The following STC2 variants were observed in gnomAD, a reference collection of about 807,000 sequenced individuals.
STC2 encodes stanniocalcin-2.
In STC2, 7 loss-of-function variants were observed where a neutral mutation model predicts 22.7. That is an observed-to-expected ratio of 0.31 (90% CI 0.18 to 0.58). STC2 has a LOEUF of 0.58. Ranked by LOEUF, STC2 falls within the 20% of genes least tolerant of loss-of-function variation. The probability of loss-of-function intolerance (pLI) is 0.89; values close to 1 mark genes in which losing one functional copy is unlikely to be tolerated. For missense variants in STC2, 336 were observed against 406.2 expected (o/e 0.83, Z 1.48); for synonymous variants, 158 against 163.4 (o/e 0.97, Z 0.25).
chr5:173,327,896 G>T, intron 1 of STC2, 147 bp downstream of exon 1: 1 of 1,064,720 alleles, frequency 9.4e-7, no homozygotes, highest in African/African-American at 1.6e-5. Context: ...CTTGCCTCGC[G>T]CTTCCCTTTG....
intron 1 of STC2, among the ~76,000 whole-genome samples, chr5:173,327,602 C>G (rs768094597): frequency 4.6e-5 from 7 of 152,258 alleles, no homozygotes; most frequent in African/African-American, 7.2e-5. Context: ...AGGGGGAAGA[C>G]GCGGCACCCT....
chr5:173,319,545 C>T (rs1762462989), intron 3 of STC2, among the ~76,000 whole-genome samples: 1 of 152,212 alleles, frequency 6.6e-6, no homozygotes, highest in Admixed American at 6.5e-5. Context: ...GCGTTACAGC[C>T]CATGGAGCCT....
intron 3 of STC2, among the ~76,000 whole-genome samples, chr5:173,320,113 G>T (rs968618266): frequency 1.3e-5 from 2 of 152,242 alleles, no homozygotes; most frequent in African/African-American, 4.8e-5. Flanking sequence ...CGGCACCAGG[G>T]CTAGGTGAGC....
Position 173,323,176 on chromosome 5 carries a change from T to G in STC2, c.506+43A>C. On this transcript the variant is annotated intron_variant, in intron 3 of 3. Coordinates refer to ENST00000265087, the MANE Select transcript of STC2 (RefSeq NM_003714.3). The surrounding 1 kb of genome is among the most constrained non-coding windows in gnomAD (Gnocchi z 5.4). ...CTCCCATACACATTGCCATCCTTGC[T>G]GGGTGGCCCCTTCACCCAGGCCCTC... The G allele has an allele frequency of 1.9e-6, 3 of 1,597,432 alleles. No individual in the cohort carries two copies. Among genetic ancestry groups the G allele is most frequent in the Non-Finnish European group, 2.6e-6 (3 of 1,165,334 alleles).
At position 173,323,158 on chromosome 5, in the gene STC2, A is replaced by G; in HGVS notation, c.506+61T>C. 1 of 1,551,466 alleles carries G rather than the reference A, an allele frequency of 6.4e-7. No individual in the cohort carries two copies. The highest frequency in any genetic ancestry group is 8.9e-7 in the Non-Finnish European group (1 of 1,124,974). On this transcript the variant is annotated intron_variant, in intron 3 of 3. Coordinates refer to ENST00000265087, the MANE Select transcript of STC2 (RefSeq NM_003714.3). This position sits in a 1 kb window ranked among gnomAD's most constrained non-coding sequence, Gnocchi z 5.4. ...AGAAGCAACGCGGCTCTCCTCCCAT[A>G]CACATTGCCATCCTTGCTGGGTGGC... is the stretch of plus-strand genomic sequence containing the variant.
At chr5:173,326,094 A>G (rs559928257) in intron 1 of STC2, 84 bp from the exon 2 acceptor site, 2 of 1,474,386 alleles carry the variant, frequency 1.4e-6, no homozygotes, top group Non-Finnish European at 1.8e-6. Flanking sequence ...ATAAAAGTTA[A>G]CAACTAAAGG....
In STC2 at chr5:173,315,090, T is replaced by A. The variant is rs1762404491; in HGVS notation, c.*2757A>T. The A allele has an allele frequency of 6.6e-6, 1 of 152,220 alleles. No individual in the cohort carries two copies. Among genetic ancestry groups the A allele is most frequent in the South Asian group, 2.1e-4 (1 of 4,834 alleles). The allele number at this position is 152,220 out of a possible 1,614,324, so 9.4% of individuals were successfully genotyped here. A position where few individuals can be genotyped will look rare whatever the true frequency, so the allele number is the denominator to read the frequency against. On this transcript the variant is annotated 3_prime_UTR_variant, in exon 4 of 4. Coordinates refer to ENST00000265087, the MANE Select transcript of STC2 (RefSeq NM_003714.3). ...ATTTATTGATACAAAGGAGAGGTGT[T>A]CAGATCATCTTGTTAAGATGCAGAG... is the stretch of plus-strand genomic sequence containing the variant.
At chr5:173,320,420 C>T (rs922349686) in intron 3 of STC2, among the ~76,000 whole-genome samples, 3 of 152,172 alleles carry the variant, frequency 2.0e-5, no homozygotes, top group South Asian at 2.1e-4. Flanking sequence ...AGCCGTGTTC[C>T]GAGCTGGCCT....
At chr5:173,327,073 G>C (rs1475779528) in intron 1 of STC2, among the ~76,000 whole-genome samples, 1 of 151,858 alleles carries the variant, frequency 6.6e-6, no homozygotes, top group Non-Finnish European at 1.5e-5. Context: ...CGGGGTGGTG[G>C]GGGTGCCGGC....
At position 173,326,050 on chromosome 5, in the gene STC2, A is replaced by G. The variant is rs755389339; in HGVS notation, c.152-40T>C. On this transcript the variant is annotated intron_variant, in intron 1 of 3. Transcript: ENST00000265087. ...ACATACAAATATATACAAAACTCTA[A>G]CCCATGCTGGGCAATGCAGAGAGGT... 3.7e-6 allele frequency: 6 copies of G among 1,608,906 alleles called. No homozygotes were observed. The East Asian group carries it at 1.3e-4, about 36-fold the overall frequency.
Position 173,323,279 on chromosome 5 carries a change from G to T in STC2, c.446C>A (p.Ala149Asp). 6.2e-7 allele frequency: 1 copy of T among 1,614,156 alleles called. No homozygotes were observed. The highest frequency in any genetic ancestry group is 8.5e-7 in the Non-Finnish European group (1 of 1,180,016). The change falls in exon 3 of 4, where the codon GCC (alanine) becomes GAC (aspartate). Residue 149 changes from alanine (A) to aspartate (D), a missense_variant. Coordinates refer to ENST00000265087, the MANE Select transcript of STC2 (RefSeq NM_003714.3). The surrounding 1 kb of genome is among the most constrained non-coding windows in gnomAD (Gnocchi z 5.4). The stretch of plus-strand genomic sequence containing the variant: ...CACTATCACCCGGGTGTTCTCCTGG[G>T]CAGCCGCGCACAGGTCGTGCTTGAG... ...CYLKHDLCAAAQENTRVIVEM... is the reference protein window; with the variant it reads ...CYLKHDLCAADQENTRVIVEM...
intron 2 of STC2, chr5:173,324,199 T>G (rs1288512645): frequency 2.6e-5 from 4 of 152,420 alleles, no homozygotes; most frequent in African/African-American, 9.6e-5. Flanking sequence ...CCTGCAGTTC[T>G]CTTTCCTGGC....
chr5:173,322,979 A>C (rs1008081495), intron 3 of STC2: 2 of 562,744 alleles, frequency 3.6e-6, no homozygotes, highest in African/African-American at 3.8e-5. Context: ...TTCTTAGTAA[A>C]ACGATTTCCC....
At position 173,318,144 on chromosome 5, in the gene STC2, C is replaced by T; in HGVS notation, c.612G>A (p.Leu204=). 1.2e-6 allele frequency: 2 copies of T among 1,609,250 alleles called. No individual in the cohort carries two copies. The highest frequency in any genetic ancestry group is 8.5e-7 in the Non-Finnish European group (1 of 1,178,072). Residue 204 remains leucine, a synonymous_variant, in exon 4 of 4, where the codon CTG becomes CTA. Transcript: ENST00000265087. ...QVQCEQNWGS[L]CSILSFCTSA... is the part of the protein sequence containing the mutation. ...AGGTGCAGAAGCTCAAGATGGAGCA[C>T]AGGCTTCCCCAGTTCTGCTCACACT...
Position 173,328,275 on chromosome 5 carries a change from G to A in STC2, c.-82C>T. 1.5e-6 allele frequency: 2 copies of A among 1,328,788 alleles called. No individual in the cohort carries two copies. Among genetic ancestry groups the A allele is most frequent in the South Asian group, 2.1e-5 (1 of 47,900 alleles). 82.3% of individuals were successfully genotyped at this position (1,328,788 alleles called of 1,614,324 possible). A position where few individuals can be genotyped will look rare whatever the true frequency, so the allele number is the denominator to read the frequency against. On this transcript the variant is annotated 5_prime_UTR_variant, in exon 1 of 4. Coordinates refer to ENST00000265087, the MANE Select transcript of STC2 (RefSeq NM_003714.3). ...CTCCTCCTCCTCTTCCTCCTTCGCC[G>A]CTTCCCCTCCTCCTCCCACTCTTCC...
chr5:173,321,181 G>C (rs1762480880), intron 3 of STC2, among the ~76,000 whole-genome samples: 1 of 151,710 alleles, frequency 6.6e-6, no homozygotes, highest in African/African-American at 2.4e-5. Flanking sequence ...ACATTCCCAA[G>C]AAGGAGACAC....
At chr5:173,326,420 C>T (rs998952565) in intron 1 of STC2, among the ~76,000 whole-genome samples, 3 of 152,234 alleles carry the variant, frequency 2.0e-5, no homozygotes, top group African/African-American at 7.2e-5. Context: ...GTACCCTTCT[C>T]TACTTGATCT....
At position 173,317,740 on chromosome 5, in the gene STC2, A is replaced by C; in HGVS notation, c.*107T>G. 7.0e-7 allele frequency: 1 copy of C among 1,418,934 alleles called. No individual in the cohort carries two copies. Among genetic ancestry groups the C allele is most frequent in the South Asian group, 1.5e-5 (1 of 67,418 alleles). 87.9% of individuals were successfully genotyped at this position (1,418,934 alleles called of 1,614,324 possible). On this transcript the variant is annotated 3_prime_UTR_variant, in exon 4 of 4. Coordinates refer to ENST00000265087, the MANE Select transcript of STC2 (RefSeq NM_003714.3). Reference sequence around the variant, plus strand: ...TCGATGAAGTCCACAGTCCCCACAGAATCCTGCGTGTGACATCCCCCCTCT... The same window carrying C: ...TCGATGAAGTCCACAGTCCCCACAGCATCCTGCGTGTGACATCCCCCCTCT...
Position 173,328,193 on chromosome 5 carries a change from TG to T in STC2, c.-1del. On this transcript the variant is annotated 5_prime_UTR_variant, in exon 1 of 4. Transcript: ENST00000265087. ...AACTGGCCCAGCCGCTCGGCACACA[TG>T]GTTCTTGGTATTAACCTCCCGTCGG... 1.3e-6 allele frequency: 2 copies of T among 1,496,554 alleles called. No homozygotes were observed. The highest frequency in any genetic ancestry group is 8.9e-7 in the Non-Finnish European group (1 of 1,117,332). The allele number at this position is 1,496,554 out of a possible 1,614,324, so 92.7% of individuals were successfully genotyped here.
Sources: gnomAD v4.1 joint callset for allele counts (sites outside exome capture counted in the v4.1 genomes callset) on GRCh38, gnomAD v4.1.1 for gene constraint, Gnocchi (gnomAD v3.1) non-coding constraint, MANE v1.5 for transcripts, NCBI Gene and HGNC (gene_info 2026-07-23, HGNC 2026-07-21) for gene names.